STXBP5L: variants seen among roughly 807,000 people sequenced by gnomAD.
STXBP5L encodes the protein syntaxin-binding protein 5-like.
In STXBP5L, 65 loss-of-function variants were observed where a neutral mutation model predicts 144.5. That is an observed-to-expected ratio of 0.45 (90% CI 0.37 to 0.55). The LOEUF (loss-of-function observed/expected upper bound fraction) is 0.55, where lower values mean the gene tolerates loss of function less well. STXBP5L is among the 20% of genes least tolerant of loss of function. The probability of loss-of-function intolerance (pLI) is 0.00; values close to 1 mark genes in which losing one functional copy is unlikely to be tolerated. For synonymous variants in STXBP5L, 505 were observed against 469.6 expected (o/e 1.08, Z -0.97); for missense variants, 1,298 against 1,405.5 (o/e 0.92, Z 1.22).
At chr3:121,374,140 A>G (rs894597430) in intron 20 of STXBP5L, among the ~76,000 whole-genome samples, 1 of 152,012 alleles carries the variant, frequency 6.6e-6, no homozygotes, top group Non-Finnish European at 1.5e-5. Context: ...AATCCTTACC[A>G]CAGCCTCCAA....
intron 3 of STXBP5L, among the ~76,000 whole-genome samples, chr3:121,022,656 A>G (rs187811082): frequency 6.6e-6 from 1 of 152,168 alleles, no homozygotes; most frequent in Non-Finnish European, 1.5e-5. Context: ...TAAAAACCAA[A>G]TTCACATGAT....
chr3:121,263,753 G>A (rs553885149), intron 18 of STXBP5L, among the ~76,000 whole-genome samples: 1 of 152,154 alleles, frequency 6.6e-6, no homozygotes, highest in Non-Finnish European at 1.5e-5. Flanking sequence ...CGTGAAGAAA[G>A]GATTAGAGCA....
chr3:121,186,068 G>C (rs139834085), intron 9 of STXBP5L, among the ~76,000 whole-genome samples: 15,067 of 152,074 alleles, frequency 0.099, 1,179 homozygotes, highest in Admixed American at 0.2. Context: ...AATTGTGAAT[G>C]GGAGTTCACT....
intron 13 of STXBP5L, among the ~76,000 whole-genome samples, 161 bp from the exon 14 acceptor site, chr3:121,240,279 T>C (rs1029712672): frequency 6.6e-6 from 1 of 152,206 alleles, no homozygotes; most frequent in African/African-American, 2.4e-5. Flanking sequence ...GAGGTGTTTG[T>C]TCAATGAAAG....
At chr3:121,079,443 C>A (rs887638772) in intron 5 of STXBP5L, among the ~76,000 whole-genome samples, 11 of 152,158 alleles carry the variant, frequency 7.2e-5, no homozygotes, top group Admixed American at 5.2e-4. Context: ...CTGTCCACAG[C>A]GAGAAGACAG....
Position 121,419,087 on chromosome 3 carries a change from A to G in STXBP5L, c.3479A>G (p.Tyr1160Cys). Reference sequence around the variant, plus strand: ...CTGAAATACAAGGATAAGAAATGGTACCAATTCTGACTTCTAAAGAAGCTG... The same window carrying G: ...CTGAAATACAAGGATAAGAAATGGTGCCAATTCTGACTTCTAAAGAAGCTG... Reference protein sequence around the residue: ...LMLKYKDKKWYQF With the variant: ...LMLKYKDKKWCQF Residue 1160 changes from tyrosine to cysteine, a missense_variant, in exon 27 of 27, where the codon TAC becomes TGC. Transcript: ENST00000471454. 1.2e-6 allele frequency: 2 copies of G among 1,610,776 alleles called. No homozygotes were observed. Among genetic ancestry groups the G allele is most frequent in the African/African-American group, 2.7e-5 (2 of 74,740 alleles).
chr3:120,928,639 AGTGTGTGT>A (rs71133519), intron 2 of STXBP5L, among the ~76,000 whole-genome samples: 493 of 147,236 alleles, frequency 3.3e-3, no homozygotes, highest in Non-Finnish European at 4.8e-3. Flanking sequence ...TGGTATACAG[AGTGTGTGT>A]GTGTGTGTGT....
intron 20 of STXBP5L, among the ~76,000 whole-genome samples, chr3:121,353,065 G>A (rs1201318465): frequency 3.3e-5 from 5 of 152,154 alleles, no homozygotes; most frequent in African/African-American, 1.2e-4. Flanking sequence ...TTTTTGATGT[G>A]GTGCTGGATT....
intron 9 of STXBP5L, among the ~76,000 whole-genome samples, chr3:121,205,245 C>T (rs897424491): frequency 2.6e-5 from 4 of 152,108 alleles, no homozygotes; most frequent in Admixed American, 2.6e-4. Flanking sequence ...ATTCTGGAGG[C>T]TGTAAAGGCC....
intron 3 of STXBP5L, among the ~76,000 whole-genome samples, chr3:121,016,999 G>A (rs919670181): frequency 2.7e-4 from 41 of 152,080 alleles, no homozygotes; most frequent in African/African-American, 9.4e-4. Context: ...GAAAACTACA[G>A]ACCAATATGT....
chr3:121,115,959 G>T (rs1289249004), intron 6 of STXBP5L, among the ~76,000 whole-genome samples: 2 of 152,094 alleles, frequency 1.3e-5, no homozygotes, highest in Non-Finnish European at 2.9e-5. Flanking sequence ...TAAGGGGATG[G>T]TGCTAAACCA....
At position 120,908,264 on chromosome 3, in the gene STXBP5L, C is replaced by G. The variant is rs1321203435; in HGVS notation, c.-79C>G. ...GCCGCGACCAGAGGGCCCAGAGAAG[C>G]GGCCGGAGCCCGCCTACCTCGGCCC... On this transcript the variant is annotated 5_prime_UTR_variant, in exon 1 of 27. Coordinates refer to ENST00000471454, the MANE Select transcript of STXBP5L (RefSeq NM_001308330.2). The G allele has an allele frequency of 6.6e-6, 1 of 152,364 alleles. No homozygotes were observed. The highest frequency in any genetic ancestry group is 1.9e-4 in the East Asian group (1 of 5,162). The allele number at this position is 152,364 out of a possible 1,614,324, so 9.4% of individuals were successfully genotyped here. A position where few individuals can be genotyped will look rare whatever the true frequency, so the allele number is the denominator to read the frequency against.
At chr3:121,213,243 C>T (rs568485218) in intron 10 of STXBP5L, among the ~76,000 whole-genome samples, 1 of 152,112 alleles carries the variant, frequency 6.6e-6, no homozygotes, top group Non-Finnish European at 1.5e-5. Flanking sequence ...ACTTCCAATA[C>T]TATGTTGAAT....
intron 2 of STXBP5L, among the ~76,000 whole-genome samples, chr3:120,950,692 G>T (rs1464535886): frequency 3.3e-5 from 5 of 152,102 alleles, no homozygotes; most frequent in Non-Finnish European, 7.4e-5. Context: ...ATGCTCATGG[G>T]TAGGAAGAAT....
chr3:121,167,416 CA>C (rs1365090161), intron 9 of STXBP5L, among the ~76,000 whole-genome samples: 1 of 152,100 alleles, frequency 6.6e-6, no homozygotes, highest in Non-Finnish European at 1.5e-5. Flanking sequence ...AAATTCTCAT[CA>C]AAAACAACAA....
At chr3:121,241,771 AAAC>A (rs755783374) in intron 14 of STXBP5L, among the ~76,000 whole-genome samples, 2 of 152,214 alleles carry the variant, frequency 1.3e-5, no homozygotes, top group Non-Finnish European at 2.9e-5. Context: ...AAATTTAGCA[AAAC>A]AACATGAACC....
At chr3:121,382,028 G>C (rs1244189682) in intron 22 of STXBP5L, among the ~76,000 whole-genome samples, 1 of 151,956 alleles carries the variant, frequency 6.6e-6, no homozygotes, top group Admixed American at 6.6e-5. Context: ...TTTCATGCTA[G>C]TGCCTAGAGA....
intron 18 of STXBP5L, among the ~76,000 whole-genome samples, chr3:121,267,936 G>T (rs1196057543): frequency 6.6e-6 from 1 of 152,166 alleles, no homozygotes; most frequent in African/African-American, 2.4e-5. Flanking sequence ...TGGAGAAATA[G>T]GAACGCTTTT....
chr3:121,277,466 T>C (rs181379266), intron 18 of STXBP5L, among the ~76,000 whole-genome samples: 1 of 152,252 alleles, frequency 6.6e-6, no homozygotes, highest in African/African-American at 2.4e-5. Context: ...TATACATTTA[T>C]ATCTCTAAGG....
Sources: allele counts gnomAD v4.1 joint callset (sites outside exome capture counted in the v4.1 genomes callset), GRCh38; gene constraint gnomAD v4.1.1; transcripts MANE v1.5; gene names NCBI Gene and HGNC (gene_info 2026-07-23, HGNC 2026-07-21).